ATP10B: variants seen among roughly 807,000 people sequenced by gnomAD.
The protein encoded by ATP10B is phospholipid-transporting ATPase VB.
A neutral mutation model predicts 141.2 loss-of-function variants in ATP10B; 122 were observed. The observed-to-expected ratio is 0.86, with a 90% CI of 0.75 to 1.00. The LOEUF (loss-of-function observed/expected upper bound fraction) is 1.00, where lower values mean the gene tolerates loss of function less well. Among genes scored for constraint, ATP10B ranks in the 50% least tolerant of loss-of-function variants. The probability of loss-of-function intolerance (pLI) is 0.00; values close to 1 mark genes in which losing one functional copy is unlikely to be tolerated. For missense variants in ATP10B, 1,876 were observed against 1,825.3 expected (o/e 1.03, Z -0.51); for synonymous variants, 685 against 692.0 (o/e 0.99, Z 0.16).
chr5:160,682,077 A>G (rs549598940), intron 6 of ATP10B, among the ~76,000 whole-genome samples: 1 of 152,226 alleles, frequency 6.6e-6, no homozygotes, highest in East Asian at 1.9e-4. Context: ...TATTCAGTCC[A>G]TTTAATTACC....
At chr5:160,893,288 A>G in the ATP10B span, among the ~76,000 whole-genome samples, 3 of 152,136 alleles carry the variant, frequency 2.0e-5, no homozygotes, top group African/African-American at 7.2e-5. Flanking sequence ...ACAAGCTAAG[A>G]TCTACTGGCT....
the ATP10B span, among the ~76,000 whole-genome samples, chr5:160,877,164 CAT>C: frequency 6.6e-6 from 1 of 152,128 alleles, no homozygotes; most frequent in Admixed American, 6.5e-5. Context: ...AATCCAGCTG[CAT>C]ATCAAAAAGC....
intron 3 of ATP10B, among the ~76,000 whole-genome samples, chr5:160,708,991 C>T (rs1401942783): frequency 7.2e-5 from 11 of 152,072 alleles, no homozygotes; most frequent in South Asian, 4.2e-4. Context: ...GAGCTAGTTA[C>T]GTGACAGATA....
At position 160,686,141 on chromosome 5, in the gene ATP10B, C is replaced by T. The variant is rs1763737009; in HGVS notation, c.408G>A (p.Glu136=). The T allele has an allele frequency of 1.2e-6, 2 of 1,612,240 alleles. No individual in the cohort carries two copies. Among genetic ancestry groups the T allele is most frequent in the Non-Finnish European group, 1.7e-6 (2 of 1,178,782 alleles). Residue 136 remains glutamate (E), a synonymous_variant, in exon 6 of 26, where the codon GAG becomes GAA. Transcript: ENST00000327245. ...LFVIMIKDGM[E]DFKRHRFDKA... is the part of the protein sequence containing the mutation. Reference sequence around the variant, plus strand: ...TATCAAAGCGGTGTCTCTTGAAGTCCTCCATGCCATCCTTGATCATGATGA... The same window carrying T: ...TATCAAAGCGGTGTCTCTTGAAGTCTTCCATGCCATCCTTGATCATGATGA...
intron 3 of ATP10B, among the ~76,000 whole-genome samples, chr5:160,691,436 C>T (rs1211165933): frequency 2.0e-5 from 3 of 152,094 alleles, no homozygotes; most frequent in Non-Finnish European, 2.9e-5. Flanking sequence ...AGCAAACTCT[C>T]AAGGTTCTTT....
At position 160,620,542 on chromosome 5, in the gene ATP10B, G is replaced by C; in HGVS notation, c.2221C>G (p.Arg741Gly). Residue 741 changes from arginine (R) to glycine (G), a missense_variant, in exon 15 of 26, where the codon CGG becomes GGG. Arg to Gly is a moderately radical substitution (Grantham distance 125). Transcript: ENST00000327245. ...CGCACAGTCACCTGCTCAGGTGTCC[G>C]GGACACTAGTGTGAAGCTGTAGGCA... The part of the protein sequence containing the change: ...AHAYSFTLVS[R>G]TPEQVTVRLP... The C allele has an allele frequency of 6.2e-7, 1 of 1,614,138 alleles. No individual in the cohort carries two copies. The highest frequency in any genetic ancestry group is 1.1e-5 in the South Asian group (1 of 91,074).
the ATP10B span, among the ~76,000 whole-genome samples, chr5:160,922,818 G>T: frequency 2.2e-4 from 34 of 152,240 alleles, no homozygotes; most frequent in African/African-American, 8.2e-4. Context: ...TGCACTCTCG[G>T]GCTTATATCC....
At chr5:160,880,279 A>C in the ATP10B span, among the ~76,000 whole-genome samples, 1 of 147,542 alleles carries the variant, frequency 6.8e-6, no homozygotes, top group African/African-American at 2.4e-5. Context: ...ATATAAAAGA[A>C]ACTATGATGA....
chr5:160,722,423 T>G (rs17058167), intron 2 of ATP10B, among the ~76,000 whole-genome samples: 1 of 152,216 alleles, frequency 6.6e-6, no homozygotes, highest in Non-Finnish European at 1.5e-5. Context: ...CCCACTGGGT[T>G]GTTTTAGCAC....
At chr5:160,773,505 A>G (rs755937400) in intron 2 of ATP10B, among the ~76,000 whole-genome samples, 3 of 152,186 alleles carry the variant, frequency 2.0e-5, no homozygotes, top group Non-Finnish European at 4.4e-5. Context: ...TACTACTAAG[A>G]AGATTGCCCA....
At chr5:160,826,779 C>T (rs1774635566) in intron 1 of ATP10B, among the ~76,000 whole-genome samples, 1 of 152,096 alleles carries the variant, frequency 6.6e-6, no homozygotes, top group African/African-American at 2.4e-5. Context: ...TATAAACGGC[C>T]GCTCTAGGAG....
chr5:160,716,619 G>T (rs147142558), intron 3 of ATP10B, among the ~76,000 whole-genome samples: 422 of 152,264 alleles, frequency 2.8e-3, no homozygotes, highest in African/African-American at 9.9e-3. Context: ...CCATTATCTA[G>T]GGTTAGGTTC....
intron 21 of ATP10B, among the ~76,000 whole-genome samples, chr5:160,599,333 AC>A (rs1456545488): frequency 6.6e-6 from 1 of 152,188 alleles, no homozygotes; most frequent in Non-Finnish European, 1.5e-5. Flanking sequence ...TTTTCTAGGA[AC>A]CTATTGAGGA....
At chr5:160,877,183 AC>A in the ATP10B span, among the ~76,000 whole-genome samples, 3 of 152,216 alleles carry the variant, frequency 2.0e-5, no homozygotes, top group East Asian at 5.8e-4. Flanking sequence ...AAGCTTATCC[AC>A]CATGATCAAG....
chr5:160,611,392 C>T (rs1757712676), intron 18 of ATP10B, among the ~76,000 whole-genome samples: 1 of 152,034 alleles, frequency 6.6e-6, no homozygotes, highest in Admixed American at 6.6e-5. Flanking sequence ...TCATTGCAAA[C>T]CGAATTTCCA....
At chr5:160,823,773 G>T (rs763252730) in intron 1 of ATP10B, among the ~76,000 whole-genome samples, 4 of 152,062 alleles carry the variant, frequency 2.6e-5, no homozygotes, top group Non-Finnish European at 4.4e-5. Context: ...GGCGGAGCTT[G>T]CAGTGAGCTG....
At chr5:160,671,584 T>C (rs1006475956) in intron 6 of ATP10B, among the ~76,000 whole-genome samples, 1 of 152,084 alleles carries the variant, frequency 6.6e-6, no homozygotes, top group African/African-American at 2.4e-5. Context: ...ACAGTAACTG[T>C]GGAATTAGAG....
intron 7 of ATP10B, among the ~76,000 whole-genome samples, chr5:160,667,359 G>C (rs1267068531): frequency 6.6e-6 from 1 of 152,138 alleles, no homozygotes; most frequent in African/African-American, 2.4e-5. Context: ...GTTTCGTTTT[G>C]TATAAAATGG....
intron 2 of ATP10B, among the ~76,000 whole-genome samples, chr5:160,768,513 C>T (rs540794080): frequency 1.3e-5 from 2 of 152,266 alleles, no homozygotes; most frequent in Non-Finnish European, 2.9e-5. Context: ...TAGAGAATTC[C>T]TATCCTCTCA....
Sources: allele counts gnomAD v4.1 joint callset (sites outside exome capture counted in the v4.1 genomes callset), GRCh38; gene constraint gnomAD v4.1.1; transcripts MANE v1.5; gene names NCBI Gene and HGNC (gene_info 2026-07-23, HGNC 2026-07-21).